USP15: variants seen among roughly 807,000 people sequenced by gnomAD.
USP15 encodes the protein ubiquitin specific peptidase 15.
In USP15, 18 loss-of-function variants were observed where a neutral mutation model predicts 127.1. The observed-to-expected ratio is 0.14, with a 90% CI of 0.10 to 0.21. USP15 has a LOEUF of 0.21. Among genes scored for constraint, USP15 ranks in the 10% least tolerant of loss-of-function variants. USP15 has a pLI of 1.00. For missense variants in USP15, 805 were observed against 1,159.9 expected, an observed-to-expected ratio of 0.69 and a Z score of 4.44; for synonymous variants, 364 against 393.7, an observed-to-expected ratio of 0.92 and a Z score of 0.89.
rs772304568 is a variant in USP15 at position 62,401,294 on chromosome 12, T to C, written c.2763+19T>C. On this transcript the variant is annotated intron_variant, in intron 21 of 21. Transcript: ENST00000280377. ...AATTGTGGTAAGTTTGTCTTATATT[T>C]CCTGAGAACTATGGGATTCACTGTC... is the stretch of plus-strand genomic sequence containing the variant. The C allele has an allele frequency of 1.3e-6, 2 of 1,580,110 alleles. No individual in the cohort carries two copies. Among genetic ancestry groups the C allele is most frequent in the East Asian group, 2.2e-5 (1 of 44,516 alleles).
intron 1 of USP15, among the ~76,000 whole-genome samples, chr12:62,272,369 A>C (rs977813039): frequency 6.6e-6 from 1 of 152,056 alleles, no homozygotes; most frequent in Non-Finnish European, 1.5e-5. Context: ...ATTTCAAAAA[A>C]TAAACAAGGT....
chr12:62,408,565 A>G lies in USP15; in HGVS notation c.*4190A>G, dbSNP rs747741594. 1 of 152,150 alleles carries G rather than the reference A, an allele frequency of 6.6e-6. No individual in the cohort carries two copies. Among genetic ancestry groups the G allele is most frequent in the African/African-American group, 2.4e-5 (1 of 41,454 alleles). 9.4% of individuals were successfully genotyped at this position (152,150 alleles called of 1,614,324 possible). A position where few individuals can be genotyped will look rare whatever the true frequency, so the allele number is the denominator to read the frequency against. ...GTTTGTTTTTACTTTACAAAAAAAT[A>G]AAAAATTTTTTGCTCTTTGAATAAC... On this transcript the variant is annotated 3_prime_UTR_variant, in exon 22 of 22. Transcript: ENST00000280377.
intron 1 of USP15, among the ~76,000 whole-genome samples, chr12:62,282,107 A>C (rs1430107718): frequency 6.6e-6 from 1 of 152,100 alleles, no homozygotes; most frequent in Non-Finnish European, 1.5e-5. Context: ...GTGGGAGGGC[A>C]CCTTGAGCCC....
chr12:62,364,073 T>G (rs2066401289), intron 8 of USP15, among the ~76,000 whole-genome samples: 1 of 152,080 alleles, frequency 6.6e-6, no homozygotes, highest in South Asian at 2.1e-4. Flanking sequence ...GAAATAAAAA[T>G]CTGCGTGTCG....
chr12:62,297,702 A>G (rs2064175699), intron 2 of USP15, among the ~76,000 whole-genome samples: 1 of 152,220 alleles, frequency 6.6e-6, no homozygotes, highest in Non-Finnish European at 1.5e-5. Context: ...TTGCCTTTCA[A>G]AGCCAGTTGA....
chr12:62,276,243 T>C (rs2063486117), intron 1 of USP15, among the ~76,000 whole-genome samples: 1 of 152,096 alleles, frequency 6.6e-6, no homozygotes, highest in Admixed American at 6.6e-5. Flanking sequence ...TCAAATGTCT[T>C]AGTATTCAGA....
intron 2 of USP15, among the ~76,000 whole-genome samples, chr12:62,297,481 C>A (rs1183899348): frequency 1.3e-5 from 2 of 152,070 alleles, no homozygotes; most frequent in Non-Finnish European, 2.9e-5. Flanking sequence ...AAGAGGGAGA[C>A]AAGTGGGATG....
Position 62,283,243 on chromosome 12 carries a change from G to A in USP15, c.90-10936G>A, listed in dbSNP as rs1333647335. ...TGTTCAGAAGAGTACAGGAGAAAAA[G>A]CTTGGCAAGTGCAGAAAATTTTCAT... On this transcript the variant is annotated intron_variant, in intron 1 of 21. Transcript: ENST00000280377. 2.6e-5 allele frequency among the ~76,000 whole-genome samples: 4 copies of A among 152,170 alleles called. No individual in the cohort carries two copies. In the East Asian group the frequency reaches 7.7e-4, roughly 29 times the overall value.
chr12:62,390,883 A>C lies in USP15; in HGVS notation c.1864A>C (p.Thr622Pro). ...CTTAAGCCGATATGTCAAAATATCT[A>C]CTGAAACTGAAGAAACTGAAGGATC... ...LRMCRYVKIS[T>P]ETEETEGSLH... The change falls in exon 15 of 22, where the codon ACT (threonine) becomes CCT (proline). Residue 622 changes from threonine (T) to proline (P), a missense_variant. Thr to Pro is a conservative substitution (Grantham distance 38, BLOSUM62 -1). Around this residue, in one of 11 missense-constraint regions of USP15, gnomAD observed 225 missense variants for 239.5 expected, o/e 0.94. Coordinates refer to ENST00000280377, the MANE Select transcript of USP15 (RefSeq NM_001252078.2). 1.9e-6 allele frequency: 3 copies of C among 1,611,228 alleles called. No individual in the cohort carries two copies. The highest frequency in any genetic ancestry group is 2.5e-6 in the Non-Finnish European group (3 of 1,178,104).
intron 4 of USP15, among the ~76,000 whole-genome samples, chr12:62,320,960 A>G (rs2064969416): frequency 6.6e-6 from 1 of 152,156 alleles, no homozygotes; most frequent in Non-Finnish European, 1.5e-5. Context: ...TTTGGTGAAT[A>G]CAGACATCCC....
chr12:62,405,558 T>C lies in USP15; in HGVS notation c.*1183T>C, dbSNP rs1488530258. The C allele has an allele frequency of 6.6e-6, 1 of 152,590 alleles. No individual in the cohort carries two copies. The highest frequency in any genetic ancestry group is 6.6e-5 in the Admixed American group (1 of 15,260). 9.5% of individuals were successfully genotyped at this position (152,590 alleles called of 1,614,324 possible). ...TCAAGGATCCAGGATGCCAAAAATA[T>C]GTGTGAACATTTGAAACATTTTTAT... is the stretch of plus-strand genomic sequence containing the variant. On this transcript the variant is annotated 3_prime_UTR_variant, in exon 22 of 22. Coordinates refer to ENST00000280377, the MANE Select transcript of USP15 (RefSeq NM_001252078.2).
intron 11 of USP15, among the ~76,000 whole-genome samples, chr12:62,386,196 G>T (rs2067145359): frequency 6.8e-6 from 1 of 146,392 alleles, no homozygotes. Flanking sequence ...TTTCCATTTA[G>T]AGGCAGTAAC....
chr12:62,312,313 A>G, intron 3 of USP15: 1 of 343,914 alleles, frequency 2.9e-6, no homozygotes, highest in Non-Finnish European at 6.0e-6. Flanking sequence ...AATGAAGGTA[A>G]AGTTTCCATG....
chr12:62,294,073 G>A, intron 1 of USP15, 106 bp from the exon 2 acceptor site: 1 of 1,188,020 alleles, frequency 8.4e-7, no homozygotes, highest in Non-Finnish European at 1.2e-6. Context: ...ATCCTTTGAA[G>A]TAGATATGTC....
intron 14 of USP15, 40 bp downstream of exon 14, chr12:62,390,028 G>A: frequency 2.0e-5 from 30 of 1,477,626 alleles, no homozygotes; most frequent in South Asian, 8.5e-5. Context: ...AATAAATATG[G>A]GAATAAAATA....
At chr12:62,291,261 C>T (rs1197755220) in intron 1 of USP15, among the ~76,000 whole-genome samples, 1 of 152,108 alleles carries the variant, frequency 6.6e-6, no homozygotes, top group Non-Finnish European at 1.5e-5. Flanking sequence ...AGGCTTTGTT[C>T]ATCTTTAACA....
At chr12:62,358,796 A>G (rs994045825) in intron 8 of USP15, among the ~76,000 whole-genome samples, 6 of 152,208 alleles carry the variant, frequency 3.9e-5, no homozygotes, top group African/African-American at 1.4e-4. Context: ...TAGCATTTAC[A>G]TTTTATTAAG....
In USP15 at chr12:62,396,215, AAAC is replaced by A. The variant is rs1183400001; in HGVS notation, c.2571-74_2571-72del. The A allele has an allele frequency of 6.3e-6, 7 of 1,106,056 alleles. No individual in the cohort carries two copies. In the African/African-American group the frequency reaches 9.6e-5, roughly 15 times the overall value. The allele number at this position is 1,106,056 out of a possible 1,614,324, so 68.5% of individuals were successfully genotyped here. On this transcript the variant is annotated intron_variant, in intron 19 of 21. Transcript: ENST00000280377. ...AGATATAGATATATATATGTATGTC[AAAC>A]AACAATGGCAGAAGGGAATAGAATT...
chr12:62,355,230 T>C, intron 7 of USP15, 101 bp from the exon 8 acceptor site: 1 of 1,072,764 alleles, frequency 9.3e-7, no homozygotes, highest in Middle Eastern at 3.2e-4. Context: ...AAAAGAAATG[T>C]AATGATCAAC....
Sources: gnomAD v4.1 joint callset for allele counts (sites outside exome capture counted in the v4.1 genomes callset) on GRCh38, gnomAD v4.1.1 for gene constraint, gnomAD v4.1.1 regional missense constraint, MANE v1.5 for transcripts, NCBI Gene and HGNC (gene_info 2026-07-23, HGNC 2026-07-21) for gene names.